TMEM132D: variants seen among roughly 807,000 people sequenced by gnomAD.
TMEM132D encodes mature OL transmembrane protein.
In TMEM132D, 21 loss-of-function variants were observed where a neutral mutation model predicts 62.3. That is an observed-to-expected ratio of 0.34 (90% CI 0.24 to 0.49). The LOEUF (loss-of-function observed/expected upper bound fraction) is 0.49, where lower values mean the gene tolerates loss of function less well. Among genes scored for constraint, TMEM132D ranks in the 20% least tolerant of loss-of-function variants. The pLI is 0.99. For synonymous variants in TMEM132D, 621 were observed against 575.6 expected, an observed-to-expected ratio of 1.08 and a Z score of -1.13; for missense variants, 1,346 against 1,402.8, an observed-to-expected ratio of 0.96 and a Z score of 0.65.
At chr12:129,581,594 G>A (rs561980583) in intron 2 of TMEM132D, among the ~76,000 whole-genome samples, 1 of 152,320 alleles carries the variant, frequency 6.6e-6, no homozygotes, top group South Asian at 2.1e-4. Flanking sequence ...TTAAGGTCAG[G>A]AAGCATCCAG....
chr12:129,299,578 G>A (rs941566275), intron 4 of TMEM132D, among the ~76,000 whole-genome samples: 19 of 151,548 alleles, frequency 1.3e-4, no homozygotes, highest in African/African-American at 4.6e-4. Flanking sequence ...GACAATTCAT[G>A]GGAGAGCCCC....
chr12:129,429,777 C>T (rs1194051194), intron 3 of TMEM132D, among the ~76,000 whole-genome samples: 40 of 140,828 alleles, frequency 2.8e-4, no homozygotes, highest in African/African-American at 9.7e-4. Context: ...ATGTTCCCCT[C>T]CCTGTGTCCA....
chr12:129,846,405 T>C (rs890170036), intron 1 of TMEM132D, among the ~76,000 whole-genome samples: 1 of 152,214 alleles, frequency 6.6e-6, no homozygotes, highest in Non-Finnish European at 1.5e-5. Flanking sequence ...AGAATATATT[T>C]TCTATATATA....
intron 3 of TMEM132D, among the ~76,000 whole-genome samples, chr12:129,394,359 G>A (rs1203280643): frequency 3.9e-5 from 6 of 152,100 alleles, no homozygotes; most frequent in African/African-American, 7.2e-5. Context: ...CTGCCTGGGC[G>A]GAAACACTAC....
chr12:129,458,733 C>T (rs1873560561), intron 3 of TMEM132D, among the ~76,000 whole-genome samples: 1 of 152,164 alleles, frequency 6.6e-6, no homozygotes. Flanking sequence ...TAAATTATTT[C>T]CCTGAGCAGG....
intron 2 of TMEM132D, among the ~76,000 whole-genome samples, chr12:129,643,455 G>T (rs1245360092): frequency 6.6e-6 from 1 of 152,220 alleles, no homozygotes; most frequent in Non-Finnish European, 1.5e-5. Flanking sequence ...CACAACAGCA[G>T]ATTTGCTGGC....
At chr12:129,492,138 T>C (rs978319334) in intron 3 of TMEM132D, among the ~76,000 whole-genome samples, 5 of 152,250 alleles carry the variant, frequency 3.3e-5, no homozygotes, top group African/African-American at 9.6e-5. Context: ...GATGTAGTTT[T>C]AGTGTCTTCT....
intron 2 of TMEM132D, among the ~76,000 whole-genome samples, chr12:129,643,319 G>A (rs1009287780): frequency 6.6e-6 from 1 of 152,152 alleles, no homozygotes; most frequent in Non-Finnish European, 1.5e-5. Flanking sequence ...CACACCACTA[G>A]CGCAGTGTTT....
rs745307783 is a variant in TMEM132D, at chr12:129,074,234, CAA to C, written c.2939_2940del (p.Phe980CysfsTer6). Reference protein sequence around the residue: ...RTELLENHINFASSQDEQITA... With the variant: ...RTELLENHINXASSQDEQITA... Reference sequence around the variant, plus strand: ...GTGATTTGCTCATCTTGCGAGGAGGCAAAGTTGATGTGATTCTCCAACAGCTC... The same window carrying C: ...GTGATTTGCTCATCTTGCGAGGAGGCAGTTGATGTGATTCTCCAACAGCTC... On this transcript the variant is annotated frameshift_variant, in exon 9 of 9. Coordinates refer to ENST00000422113, the MANE Select transcript of TMEM132D (RefSeq NM_133448.3). LOFTEE classifies it low-confidence loss of function (END_TRUNC). 1 of 1,614,006 alleles carries C rather than the reference CAA, an allele frequency of 6.2e-7. No homozygotes were observed. The highest frequency in any genetic ancestry group is 1.7e-5 in the Admixed American group (1 of 60,002).
chr12:129,469,783 A>T (rs186149905), intron 3 of TMEM132D, among the ~76,000 whole-genome samples: 79 of 152,316 alleles, frequency 5.2e-4, no homozygotes, highest in African/African-American at 1.8e-3. Context: ...TCTGTTGAAG[A>T]TTTAAACCAC....
chr12:129,797,535 G>A (rs1565988865), intron 1 of TMEM132D, among the ~76,000 whole-genome samples: 1 of 152,200 alleles, frequency 6.6e-6, no homozygotes, highest in Non-Finnish European at 1.5e-5. Context: ...AGTGGTGCTC[G>A]TGGAGGGGCT....
intron 5 of TMEM132D, among the ~76,000 whole-genome samples, chr12:129,201,236 T>A (rs1031604388): frequency 6.6e-6 from 1 of 152,160 alleles, no homozygotes; most frequent in Non-Finnish European, 1.5e-5. Context: ...CCTCAGCAAA[T>A]TTTTCAGGAG....
At chr12:129,896,432 T>C (rs1389817667) in intron 1 of TMEM132D, among the ~76,000 whole-genome samples, 2 of 152,170 alleles carry the variant, frequency 1.3e-5, no homozygotes, top group African/African-American at 2.4e-5. Context: ...CAAAATACTT[T>C]ATTGCCACAA....
At chr12:129,694,040 T>G (rs1201085809) in intron 2 of TMEM132D, among the ~76,000 whole-genome samples, 1 of 152,248 alleles carries the variant, frequency 6.6e-6, no homozygotes, top group Non-Finnish European at 1.5e-5. Flanking sequence ...TGGTGTACTA[T>G]CTATACTAAA....
intron 4 of TMEM132D, among the ~76,000 whole-genome samples, chr12:129,256,503 C>G (rs904040238): frequency 6.6e-6 from 1 of 152,136 alleles, no homozygotes; most frequent in African/African-American, 2.4e-5. Context: ...TCATGGCAAC[C>G]TCCGCCTCCC....
chr12:129,882,929 G>A (rs573791334), intron 1 of TMEM132D, among the ~76,000 whole-genome samples: 4 of 152,078 alleles, frequency 2.6e-5, no homozygotes, highest in African/African-American at 4.8e-5. Flanking sequence ...CATACTTAAC[G>A]TTGTAAAATG....
intron 5 of TMEM132D, among the ~76,000 whole-genome samples, chr12:129,157,494 T>A (rs2135539122): frequency 6.6e-6 from 1 of 152,252 alleles, no homozygotes; most frequent in East Asian, 1.9e-4. Context: ...GACATTACTA[T>A]CTTAGTTACT....
chr12:129,405,788 C>T (rs1362502959), intron 3 of TMEM132D, among the ~76,000 whole-genome samples: 3 of 152,100 alleles, frequency 2.0e-5, no homozygotes, highest in Admixed American at 1.3e-4. Context: ...TCCATTGCAA[C>T]CCCTCCCATC....
chr12:129,475,505 G>C (rs1291195908), intron 3 of TMEM132D, among the ~76,000 whole-genome samples: 5 of 152,240 alleles, frequency 3.3e-5, no homozygotes, highest in African/African-American at 1.2e-4. Flanking sequence ...TCTTGAAAAA[G>C]AGAATGTGTT....
Sources: gnomAD v4.1 joint callset for allele counts (sites outside exome capture counted in the v4.1 genomes callset) on GRCh38, gnomAD v4.1.1 for gene constraint, MANE v1.5 for transcripts, NCBI Gene and HGNC (gene_info 2026-07-23, HGNC 2026-07-21) for gene names.